Variants in ANO1 observed in about 807,000 individuals in gnomAD.
The protein encoded by ANO1 is anoctamin 1.
ANO1 carries 59 observed loss-of-function variants against 124.0 expected under a neutral mutation model. The observed-to-expected ratio is 0.48, with a 90% CI of 0.39 to 0.59. The LOEUF (loss-of-function observed/expected upper bound fraction) is 0.59. Among genes scored for constraint, ANO1 ranks in the 20% least tolerant of loss-of-function variants. ANO1 has a pLI of 0.00. For missense variants in ANO1, 1,059 were observed against 1,328.0 expected, an observed-to-expected ratio of 0.80 and a Z score of 3.15; for synonymous variants, 529 against 532.0, an observed-to-expected ratio of 0.99 and a Z score of 0.08.
intron 24 of ANO1, among the ~76,000 whole-genome samples, chr11:70,184,433 G>A (rs1469696995): frequency 6.6e-6 from 1 of 152,154 alleles, no homozygotes; most frequent in Non-Finnish European, 1.5e-5. Context: ...AAGGTCAGTG[G>A]CAGGACCTTG....
At chr11:70,156,308 C>T (rs924966903) in intron 15 of ANO1, among the ~76,000 whole-genome samples, 5 of 152,240 alleles carry the variant, frequency 3.3e-5, no homozygotes, top group East Asian at 3.9e-4. Flanking sequence ...GAGTGGCCTC[C>T]GGTGTCATGC....
At chr11:70,111,680 A>G in intron 6 of ANO1, 27 bp from the exon 7 acceptor site, 1 of 1,613,458 alleles carries the variant, frequency 6.2e-7, no homozygotes, top group South Asian at 1.1e-5. Flanking sequence ...CCTGCCCCAT[A>G]ACCTTCTCTC....
intron 1 of ANO1, among the ~76,000 whole-genome samples, chr11:70,017,223 C>T (rs17421328): frequency 0.052 from 7,951 of 152,310 alleles, 301 homozygotes; most frequent in Non-Finnish European, 0.073. Flanking sequence ...TAATGCTTTT[C>T]TTGTGAACTT....
chr11:70,122,970 G>C (rs1405082602), intron 8 of ANO1, among the ~76,000 whole-genome samples: 1 of 152,164 alleles, frequency 6.6e-6, no homozygotes, highest in African/African-American at 2.4e-5. Flanking sequence ...TAAAACTGTG[G>C]CCTTTTCATC....
rs866069288 is a variant in ANO1, at chr11:70,126,129, C to T, written c.1031C>T (p.Pro344Leu). The part of the protein sequence containing the change: ...WLGVYTQMLI[P>L]ASIVGIIVFL... ...GGCGTGTACACCCAGATGCTCATCCCTGCCTCCATCGTGGGAATCATTGTC... is the reference window on the plus strand; with the variant it reads ...GGCGTGTACACCCAGATGCTCATCCTTGCCTCCATCGTGGGAATCATTGTC... The change falls in exon 10 of 26, where the codon CCT becomes CTT. Residue 344 changes from proline (P) to leucine (L), a missense_variant. Pro to Leu is a moderately conservative substitution (Grantham distance 98). Coordinates refer to ENST00000355303, the MANE Select transcript of ANO1 (RefSeq NM_018043.7). The T allele has an allele frequency of 1.4e-5, 22 of 1,613,688 alleles. 1 individual carries two copies. In the Middle Eastern group the frequency reaches 3.0e-3, roughly 217 times the overall value.
intron 2 of ANO1, among the ~76,000 whole-genome samples, chr11:70,100,985 C>T (rs557291323): frequency 1.5e-4 from 23 of 152,238 alleles, no homozygotes; most frequent in Admixed American, 3.9e-4. Flanking sequence ...GCCTCGTGGA[C>T]GCAGCCGGGG....
Position 70,111,762 on chromosome 11 carries a change from T to C in ANO1, c.855T>C (p.Asp285=). 1.2e-6 allele frequency: 2 copies of C among 1,614,020 alleles called. No homozygotes were observed. Among genetic ancestry groups the C allele is most frequent in the Admixed American group, 1.7e-5 (1 of 60,026 alleles). ...ACGCGGCTGCATACCCACTGCACGATGTAAGTAACCTTGACACACGATTTA... is the reference window on the plus strand; with the variant it reads ...ACGCGGCTGCATACCCACTGCACGACGTAAGTAACCTTGACACACGATTTA... ...GVYAAAYPLH[D]GDYNGENVEF... is the part of the protein sequence containing the mutation. The change falls in exon 7 of 26, where the codon GAT becomes GAC. Residue 285 remains aspartate (D), a splice_region_variant and synonymous_variant. Coordinates refer to ENST00000355303, the MANE Select transcript of ANO1 (RefSeq NM_018043.7).
chr11:70,036,118 A>G (rs1317672308), intron 1 of ANO1, among the ~76,000 whole-genome samples: 2 of 152,128 alleles, frequency 1.3e-5, no homozygotes, highest in African/African-American at 4.8e-5. Flanking sequence ...TTATTCCCTC[A>G]CCATTAGGAG....
In ANO1 at chr11:70,152,439, G is replaced by C. The variant is rs1364826542; in HGVS notation, c.1342-11G>C. 6 of 1,611,154 alleles carry C rather than the reference G, an allele frequency of 3.7e-6. No individual in the cohort carries two copies. The highest frequency in any genetic ancestry group is 4.5e-5 in the East Asian group (2 of 44,826). On this transcript the variant is annotated splice_polypyrimidine_tract_variant and intron_variant, in intron 12 of 25. Coordinates refer to ENST00000355303, the MANE Select transcript of ANO1 (RefSeq NM_018043.7). ...TTGTGTTTTTGTTTTTACTTTTCTG[G>C]TTCCCTGAAGGAGGCTGTCAAGGTT...
chr11:69,966,961 G>A, the ANO1 span, among the ~76,000 whole-genome samples: 1 of 152,130 alleles, frequency 6.6e-6, no homozygotes, highest in Non-Finnish European at 1.5e-5. Flanking sequence ...TGGTGACCCT[G>A]CAGGGGGACA....
intron 11 of ANO1, among the ~76,000 whole-genome samples, chr11:70,147,419 G>A (rs1321516580): frequency 6.6e-6 from 1 of 152,196 alleles, no homozygotes; most frequent in East Asian, 1.9e-4. Context: ...GGGGGTTGGG[G>A]GCCTCCTGCT....
intron 1 of ANO1, among the ~76,000 whole-genome samples, chr11:70,068,481 G>A (rs797023951): frequency 6.6e-6 from 1 of 152,192 alleles, no homozygotes; most frequent in African/African-American, 2.4e-5. Flanking sequence ...CCTGGTGCAG[G>A]GAGAATAATA....
the ANO1 span, among the ~76,000 whole-genome samples, chr11:69,977,222 T>C: frequency 6.6e-6 from 1 of 152,158 alleles, no homozygotes. Flanking sequence ...TGCGTGACCC[T>C]AGCGAGTCCG....
intron 8 of ANO1, among the ~76,000 whole-genome samples, chr11:70,122,779 TCTC>T (rs2046346809): frequency 6.6e-6 from 1 of 151,820 alleles, no homozygotes; most frequent in African/African-American, 2.4e-5. Context: ...TGTCTCTCTG[TCTC>T]CTCCTTCCCT....
intron 1 of ANO1, among the ~76,000 whole-genome samples, chr11:70,007,718 G>A (rs532240983): frequency 6.6e-6 from 1 of 152,210 alleles, no homozygotes; most frequent in South Asian, 2.1e-4. Context: ...AACGAACCTA[G>A]GTGTGCAGAT....
chr11:70,143,080 T>C lies in ANO1; in HGVS notation c.1259-6630T>C, dbSNP rs144185244. Among the ~76,000 whole-genome samples the C allele has an allele frequency of 1.6e-3, 248 of 152,304 alleles. 2 individuals are homozygous for C. Among genetic ancestry groups the C allele is most frequent in the African/African-American group, 5.6e-3 (232 of 41,568 alleles). ...CCCCACATGCACAGTCCAAGCAGGA[T>C]GCACCCCTGCTCTGTGGTCATGTGT... On this transcript the variant is annotated intron_variant, in intron 11 of 25. Transcript: ENST00000355303.
intron 23 of ANO1, among the ~76,000 whole-genome samples, chr11:70,181,526 C>CT (rs2048928932): frequency 6.6e-6 from 1 of 152,240 alleles, no homozygotes; most frequent in African/African-American, 2.4e-5. Flanking sequence ...CCATGCTGTG[C>CT]TGGAGTGGGT....
At chr11:70,107,401 C>A (rs549173336) in intron 5 of ANO1, among the ~76,000 whole-genome samples, 137 of 151,350 alleles carry the variant, frequency 9.1e-4, no homozygotes, top group Non-Finnish European at 1.2e-3. Flanking sequence ...ACAGCCAGGG[C>A]GGAGGCCCTG....
At chr11:70,098,973 G>A (rs1255164764) in intron 2 of ANO1, among the ~76,000 whole-genome samples, 2 of 152,194 alleles carry the variant, frequency 1.3e-5, no homozygotes, top group African/African-American at 2.4e-5. Context: ...GTTTCCGCCG[G>A]CATAGTTAGT....
Sources: allele counts gnomAD v4.1 joint callset (sites outside exome capture counted in the v4.1 genomes callset), GRCh38; gene constraint gnomAD v4.1.1; transcripts MANE v1.5; gene names NCBI Gene and HGNC (gene_info 2026-07-23, HGNC 2026-07-21).